The following ARHGAP6 variants were observed in gnomAD, a reference collection of about 807,000 sequenced individuals.
ARHGAP6 encodes rho GTPase-activating protein 6.
A neutral mutation model predicts 55.7 loss-of-function variants in ARHGAP6; 16 were observed. The observed-to-expected ratio is 0.29, with a 90% CI of 0.19 to 0.44. The LOEUF is 0.44. ARHGAP6 is among the 20% of genes least tolerant of loss of function. The probability of loss-of-function intolerance (pLI) is 1.00; values close to 1 mark genes in which losing one functional copy is unlikely to be tolerated. For missense variants in ARHGAP6, 698 were observed against 808.9 expected (o/e 0.86, Z 1.66); for synonymous variants, 382 against 360.9 (o/e 1.06, Z -0.66).
intron 1 of ARHGAP6, among the ~76,000 whole-genome samples, chrX:11,510,907 T>A (rs773552378): frequency 1.8e-5 from 2 of 112,102 alleles, no homozygotes; most frequent in African/African-American, 6.5e-5. Context: ...GTATTGCTTA[T>A]GGCTGCTTTA....
At chrX:11,552,213 T>C (rs1367317844) in intron 1 of ARHGAP6, among the ~76,000 whole-genome samples, 1 of 109,645 alleles carries the variant, frequency 9.1e-6, no homozygotes, top group Non-Finnish European at 1.9e-5. Flanking sequence ...AAATCAAAAC[T>C]ACAATGAGAC....
rs1601665276 is a variant in ARHGAP6 at position 11,579,392 on chromosome X, G to A, written c.588+84849C>T. Among the ~76,000 whole-genome samples, 3 of 111,721 alleles carry A rather than the reference G, an allele frequency of 2.7e-5. No homozygotes were observed. In the Admixed American group the frequency reaches 2.8e-4, roughly 11 times the overall value. ...TGCATGGTGATACTATAGTATTAGTGTAGTATAATGTTACAAATGATAACT... is the reference window on the plus strand; with the variant it reads ...TGCATGGTGATACTATAGTATTAGTATAGTATAATGTTACAAATGATAACT... On this transcript the variant is annotated intron_variant, in intron 1 of 12. Transcript: ENST00000337414.
intron 1 of ARHGAP6, among the ~76,000 whole-genome samples, chrX:11,617,836 G>A (rs746530855): frequency 1.5e-4 from 17 of 111,376 alleles, no homozygotes; most frequent in Admixed American, 2.9e-4. Flanking sequence ...AATGCAGGTG[G>A]GCCATGAGCT....
chrX:11,366,426 T>C, intron 1 of ARHGAP6, among the ~76,000 whole-genome samples: 1 of 112,166 alleles, frequency 8.9e-6, no homozygotes, highest in Non-Finnish European at 1.9e-5. Flanking sequence ...ATAAAAATTA[T>C]TGCAATGTTT....
At chrX:11,473,941 G>T (rs968207473) in intron 1 of ARHGAP6, among the ~76,000 whole-genome samples, 1 of 111,394 alleles carries the variant, frequency 9.0e-6, no homozygotes, top group Non-Finnish European at 1.9e-5. Flanking sequence ...CATATGCCCT[G>T]TTAAAGCTGC....
chrX:11,425,198 C>T (rs1230074412), intron 1 of ARHGAP6, among the ~76,000 whole-genome samples: 1 of 111,464 alleles, frequency 9.0e-6, no homozygotes, highest in Non-Finnish European at 1.9e-5. Context: ...GTATTAAGGA[C>T]ACATGGAGGG....
At chrX:11,221,748 A>C (rs2046975461) in intron 2 of ARHGAP6, among the ~76,000 whole-genome samples, 1 of 111,494 alleles carries the variant, frequency 9.0e-6, no homozygotes, top group Non-Finnish European at 1.9e-5. Flanking sequence ...TTACATGTGC[A>C]GGTTTGTTAT....
Position 11,156,632 on chromosome X carries a change from G to A in ARHGAP6, c.1810-6C>T. 1 of 1,191,539 alleles carries A rather than the reference G, an allele frequency of 8.4e-7. No homozygotes were observed. Among genetic ancestry groups the A allele is most frequent in the Non-Finnish European group, 1.1e-6 (1 of 878,839 alleles). ...TTCTGGAGATCTGGGGGAACCTGAA[G>A]GAGCCAAATGTTGAGGCATAAATAA... On this transcript the variant is annotated splice_region_variant and splice_polypyrimidine_tract_variant and intron_variant, in intron 9 of 12. Coordinates refer to ENST00000337414, the MANE Select transcript of ARHGAP6 (RefSeq NM_013427.3).
chrX:11,430,559 A>C (rs1408008819), intron 1 of ARHGAP6, among the ~76,000 whole-genome samples: 1 of 112,071 alleles, frequency 8.9e-6, no homozygotes, highest in Non-Finnish European at 1.9e-5. Context: ...AACTCTAAGA[A>C]GTCTGTTCAA....
chrX:11,212,120 CTATAT>C lies in ARHGAP6; in HGVS notation c.749-15129_749-15125del, dbSNP rs994630984. ...TTTGTTCTAAACCTCATCCGTTTTA[CTATAT>C]TATTAGAATATTAGACTATATATGT... On this transcript the variant is annotated intron_variant, in intron 2 of 12. Transcript: ENST00000337414. Among the ~76,000 whole-genome samples the C allele has an allele frequency of 8.1e-5, 9 of 111,490 alleles. No homozygotes were observed. In the Admixed American group the frequency reaches 8.6e-4, roughly 11 times the overall value.
intron 1 of ARHGAP6, among the ~76,000 whole-genome samples, chrX:11,305,900 GAGA>G (rs1223794596): frequency 8.9e-6 from 1 of 112,093 alleles, no homozygotes; most frequent in African/African-American, 3.2e-5. Context: ...ATTGTAAGGA[GAGA>G]AGATGATTAA....
chrX:11,469,262 TA>T (rs1246034431), intron 1 of ARHGAP6, among the ~76,000 whole-genome samples: 2 of 112,688 alleles, frequency 1.8e-5, no homozygotes, highest in Non-Finnish European at 3.8e-5. Flanking sequence ...AGGCCTTTCT[TA>T]GAAAACAAAT....
intron 1 of ARHGAP6, among the ~76,000 whole-genome samples, chrX:11,660,188 G>A (rs768308020): frequency 1.9e-4 from 21 of 111,758 alleles, no homozygotes; most frequent in Admixed American, 6.6e-4. Flanking sequence ...TTCACTCTCT[G>A]CAGTTGTGAT....
chrX:11,142,512 G>A (rs769732973), intron 11 of ARHGAP6, 199 bp from the exon 12 acceptor site: 9 of 198,124 alleles, frequency 4.5e-5, no homozygotes, highest in Middle Eastern at 1.8e-3. Flanking sequence ...TATCATGCTC[G>A]TGGTAGACAG....
intron 2 of ARHGAP6, among the ~76,000 whole-genome samples, chrX:11,197,838 A>G (rs970775658): frequency 5.4e-5 from 6 of 112,133 alleles, no homozygotes; most frequent in Non-Finnish European, 1.1e-4. Context: ...ATCATAAAAT[A>G]TTGGCATTCA....
intron 1 of ARHGAP6, among the ~76,000 whole-genome samples, chrX:11,585,496 T>C (rs2051722428): frequency 8.9e-6 from 1 of 112,568 alleles, no homozygotes; most frequent in Admixed American, 9.4e-5. Context: ...TAGTATCTAA[T>C]TGTGGTTTTG....
intron 1 of ARHGAP6, among the ~76,000 whole-genome samples, chrX:11,519,134 C>A (rs766574174): frequency 0.016 from 1,441 of 88,931 alleles, 10 homozygotes; most frequent in African/African-American, 0.038. Context: ...ATTTATAGTC[C>A]TTTGGGTATA....
chrX:11,333,669 G>C (rs1027526871), intron 1 of ARHGAP6, among the ~76,000 whole-genome samples: 3 of 112,093 alleles, frequency 2.7e-5, no homozygotes, highest in African/African-American at 9.7e-5. Flanking sequence ...TCTTAAATGA[G>C]AGGAAAAAGC....
At chrX:11,411,183 T>TTTTATA (rs1196355643) in intron 1 of ARHGAP6, among the ~76,000 whole-genome samples, 32 of 31,789 alleles carry the variant, frequency 1.0e-3, no homozygotes, top group African/African-American at 2.9e-3. Flanking sequence ...CAGACATTAT[T>TTTTATA]TATATATATA....
Sources: gnomAD v4.1 joint callset for allele counts (sites outside exome capture counted in the v4.1 genomes callset) on GRCh38, gnomAD v4.1.1 for gene constraint, MANE v1.5 for transcripts, NCBI Gene and HGNC (gene_info 2026-07-23, HGNC 2026-07-21) for gene names.